Variants in LRP1B observed in about 807,000 individuals in gnomAD.
The protein encoded by LRP1B is low-density lipoprotein receptor-related protein 1B.
Under a neutral mutation model 556.6 loss-of-function variants are expected in LRP1B, and 217 were observed. That is an observed-to-expected ratio of 0.39 (90% CI 0.35 to 0.44). The LOEUF (loss-of-function observed/expected upper bound fraction) is 0.44, where lower values mean the gene tolerates loss of function less well. Ranked by LOEUF, LRP1B falls within the 20% of genes least tolerant of loss-of-function variation. LRP1B has a pLI of 1.00. For missense variants in LRP1B, 5,053 were observed against 5,620.8 expected, an observed-to-expected ratio of 0.90 and a Z score of 3.23; for synonymous variants, 2,047 against 1,865.8, an observed-to-expected ratio of 1.10 and a Z score of -2.50.
intron 34 of LRP1B, among the ~76,000 whole-genome samples, chr2:140,769,802 A>ATCAC (rs1175601840): frequency 1.4e-5 from 2 of 143,792 alleles, no homozygotes; most frequent in African/African-American, 5.1e-5. Flanking sequence ...AGATAACTGT[A>ATCAC]TCACTGATAC....
chr2:141,034,074 AG>A (rs1341004700), intron 11 of LRP1B, among the ~76,000 whole-genome samples: 1 of 152,090 alleles, frequency 6.6e-6, no homozygotes, highest in Non-Finnish European at 1.5e-5. Flanking sequence ...GAGTGCCTTA[AG>A]GCCTTTAAAA....
intron 25 of LRP1B, among the ~76,000 whole-genome samples, chr2:140,876,791 G>A (rs1392737261): frequency 6.6e-6 from 1 of 152,052 alleles, no homozygotes; most frequent in Non-Finnish European, 1.5e-5. Flanking sequence ...CAATTTAAAA[G>A]CCTATGTGAA....
In LRP1B at chr2:141,013,763, A is replaced by G. The variant is rs370556272; in HGVS notation, c.2191-18T>C. 6.8e-6 allele frequency: 10 copies of G among 1,463,456 alleles called. No homozygotes were observed. The highest frequency in any genetic ancestry group is 1.8e-4 in the Middle Eastern group (1 of 5,538). 90.7% of individuals were successfully genotyped at this position (1,463,456 alleles called of 1,614,324 possible). On this transcript the variant is annotated intron_variant, in intron 13 of 90. Transcript: ENST00000389484. ...TAAACAATCTGTAAAATATAAACAC[A>G]TTGTGAAAAATCAGAACTGACCTTT...
intron 33 of LRP1B, among the ~76,000 whole-genome samples, chr2:140,773,086 C>T (rs1456564491): frequency 6.6e-6 from 1 of 150,932 alleles, no homozygotes; most frequent in African/African-American, 2.4e-5. Flanking sequence ...GTGAGACTGT[C>T]TCAACAAACA....
At chr2:140,493,118 C>A (rs543056989) in intron 56 of LRP1B, among the ~76,000 whole-genome samples, 1 of 152,104 alleles carries the variant, frequency 6.6e-6, no homozygotes, top group African/African-American at 2.4e-5. Flanking sequence ...CTCAGGATGA[C>A]CTCAGTGAAG....
In LRP1B at chr2:141,997,072, G is replaced by GA. The variant is rs1702512254; in HGVS notation, c.82+133575_82+133576insT. Among the ~76,000 whole-genome samples, 3 of 152,228 alleles carry GA rather than the reference G, an allele frequency of 2.0e-5. No individual in the cohort carries two copies. The South Asian group carries it at 6.2e-4, about 32-fold the overall frequency. On this transcript the variant is annotated intron_variant, in intron 1 of 90. Transcript: ENST00000389484. ...TGCACAGACCAGGGTCAAGAACCAA[G>GA]TGGGCTTAGAAAACTGAGTATGAGT... is the stretch of plus-strand genomic sequence containing the variant.
At chr2:140,255,559 T>G (rs1341143413) in intron 86 of LRP1B, among the ~76,000 whole-genome samples, 3 of 152,216 alleles carry the variant, frequency 2.0e-5, no homozygotes, top group African/African-American at 7.2e-5. Context: ...CAGAGATTAT[T>G]GATTATTCAT....
rs561818839 is a variant in LRP1B, at chr2:140,579,734, T to C, written c.7194+18897A>G. The stretch of plus-strand genomic sequence containing the variant: ...GCACACACCTGTAATCCCAGCTACT[T>C]GGGAGGCTGAGGCAGGAGAATCGCT... On this transcript the variant is annotated intron_variant, in intron 43 of 90. Coordinates refer to ENST00000389484, the MANE Select transcript of LRP1B (RefSeq NM_018557.3). 2.6e-5 allele frequency among the ~76,000 whole-genome samples: 4 copies of C among 151,966 alleles called. No homozygotes were observed. In the East Asian group the frequency reaches 7.8e-4, roughly 29 times the overall value.
Position 140,700,628 on chromosome 2 carries a change from A to C in LRP1B, c.6428-7T>G. ...CTGGCACAAACATTGGTCCCTAATG[A>C]AGAAAAATGATACACACATGCACAT... is the stretch of plus-strand genomic sequence containing the variant. On this transcript the variant is annotated splice_region_variant and splice_polypyrimidine_tract_variant and intron_variant, in intron 40 of 90. Transcript: ENST00000389484. The C allele has an allele frequency of 6.2e-7, 1 of 1,613,130 alleles. No individual in the cohort carries two copies. Among genetic ancestry groups the C allele is most frequent in the Non-Finnish European group, 8.5e-7 (1 of 1,179,384 alleles).
chr2:141,142,091 A>G (rs1039975057), intron 7 of LRP1B, among the ~76,000 whole-genome samples: 1 of 76 alleles, frequency 0.013, no homozygotes, highest in Non-Finnish European at 0.031. Flanking sequence ...TGGTATAACA[A>G]AAAAAAAAAT....
At chr2:140,315,669 T>A (rs1383704782) in intron 82 of LRP1B, among the ~76,000 whole-genome samples, 3 of 152,192 alleles carry the variant, frequency 2.0e-5, no homozygotes, top group African/African-American at 7.2e-5. Context: ...TTCCTTATAA[T>A]ATGGACAAAC....
rs1681428392 is a variant in LRP1B at position 140,574,072 on chromosome 2, T to C, written c.7194+24559A>G. On this transcript the variant is annotated intron_variant, in intron 43 of 90. Coordinates refer to ENST00000389484, the MANE Select transcript of LRP1B (RefSeq NM_018557.3). ...TGTTTTACTTTCTCTATATGTTATA[T>C]GCATTTATCTATATTTCAAACTCTG... is the stretch of plus-strand genomic sequence containing the variant. Among the ~76,000 whole-genome samples the C allele has an allele frequency of 1.3e-5, 2 of 152,114 alleles. 1 individual carries two copies. Among genetic ancestry groups the C allele is most frequent in the South Asian group, 4.1e-4 (2 of 4,832 alleles).
At chr2:141,979,795 G>T (rs1701991913) in intron 1 of LRP1B, among the ~76,000 whole-genome samples, 1 of 152,078 alleles carries the variant, frequency 6.6e-6, no homozygotes, top group Non-Finnish European at 1.5e-5. Context: ...CCTCAGAACT[G>T]CTTACCAAAT....
chr2:141,576,880 A>G (rs1252553590), intron 2 of LRP1B, among the ~76,000 whole-genome samples: 1 of 150,272 alleles, frequency 6.7e-6, no homozygotes, highest in African/African-American at 2.5e-5. Context: ...TTGTTTTCGA[A>G]CTCCTGACCT....
chr2:141,279,227 T>G (rs911317036), intron 3 of LRP1B, among the ~76,000 whole-genome samples: 1 of 152,068 alleles, frequency 6.6e-6, no homozygotes, highest in Non-Finnish European at 1.5e-5. Context: ...GCACCTAATT[T>G]TTTAAATGTT....
chr2:140,930,734 T>C (rs1695023418), intron 20 of LRP1B, among the ~76,000 whole-genome samples: 1 of 152,144 alleles, frequency 6.6e-6, no homozygotes, highest in Non-Finnish European at 1.5e-5. Context: ...CACTGTATAT[T>C]GGATGTGCAC....
chr2:140,630,960 A>G (rs1159653525), intron 41 of LRP1B, among the ~76,000 whole-genome samples: 2 of 152,176 alleles, frequency 1.3e-5, no homozygotes, highest in South Asian at 2.1e-4. Flanking sequence ...CCCAAACCTT[A>G]CCACTAAATC....
chr2:141,376,234 T>A (rs1019868106), intron 3 of LRP1B, among the ~76,000 whole-genome samples: 9 of 152,172 alleles, frequency 5.9e-5, no homozygotes, highest in Admixed American at 2.6e-4. Context: ...CTCTGTGCAA[T>A]CTTTAGGTAT....
intron 2 of LRP1B, among the ~76,000 whole-genome samples, chr2:141,593,063 T>C (rs1210734348): frequency 1.3e-5 from 2 of 152,104 alleles, no homozygotes; most frequent in Non-Finnish European, 2.9e-5. Flanking sequence ...ATAAGAAAAT[T>C]TGGCTATTGT....
Sources: allele counts gnomAD v4.1 joint callset (sites outside exome capture counted in the v4.1 genomes callset), GRCh38; gene constraint gnomAD v4.1.1; transcripts MANE v1.5; gene names NCBI Gene and HGNC (gene_info 2026-07-23, HGNC 2026-07-21).